The following ACSL4 variants were observed in gnomAD, a reference collection of about 807,000 sequenced individuals.
ACSL4 encodes acyl-CoA synthetase long chain family member 4.
Under a neutral mutation model 49.1 loss-of-function variants are expected in ACSL4, and 9 were observed. The ratio of observed to expected loss-of-function variants is 0.18; its 90% CI spans 0.11 to 0.32. The LOEUF is 0.32. Among genes scored for constraint, ACSL4 ranks in the 10% least tolerant of loss-of-function variants. The pLI is 1.00. For synonymous variants in ACSL4, 191 were observed against 170.3 expected (o/e 1.12, Z -0.95); for missense variants, 333 against 493.7 (o/e 0.67, Z 3.08).
chrX:109,687,659 G>A (rs1175188912), intron 2 of ACSL4, among the ~76,000 whole-genome samples: 3 of 111,622 alleles, frequency 2.7e-5, no homozygotes, highest in African/African-American at 9.8e-5. Context: ...AAACCACCAT[G>A]GCACGTGTAT....
chrX:109,704,021 G>GTA (rs1300353262), intron 1 of ACSL4, among the ~76,000 whole-genome samples: 1 of 111,048 alleles, frequency 9.0e-6, no homozygotes, highest in African/African-American at 3.3e-5. Context: ...GTTTTAAGTA[G>GTA]TAAAATATAT....
chrX:109,691,079 T>C (rs2147468633), intron 2 of ACSL4, among the ~76,000 whole-genome samples: 1 of 112,097 alleles, frequency 8.9e-6, no homozygotes, highest in African/African-American at 3.2e-5. Flanking sequence ...AATGCCAAGA[T>C]ATTTTTTCAA....
rs1330117129 is a variant in ACSL4, at chrX:109,688,456, A to G, written c.-12-5081T>C. Among the ~76,000 whole-genome samples the G allele has an allele frequency of 2.7e-5, 3 of 111,677 alleles. No homozygotes were observed. In the Admixed American group the frequency reaches 2.9e-4, roughly 11 times the overall value. ...ACCAGCTGTTATTTCTTTCATCTTA[A>G]AAAACATTCCCTCCTTTGCATCTTC... On this transcript the variant is annotated intron_variant, in intron 2 of 15. Transcript: ENST00000672401.
At chrX:109,718,977 T>A (rs1055959235) in intron 1 of ACSL4, among the ~76,000 whole-genome samples, 3 of 111,409 alleles carry the variant, frequency 2.7e-5, no homozygotes, top group Non-Finnish European at 5.6e-5. Flanking sequence ...AGCAAGGTGA[T>A]CCTTCAATCA....
intron 1 of ACSL4, among the ~76,000 whole-genome samples, chrX:109,720,929 A>G (rs1357618016): frequency 8.9e-6 from 1 of 111,998 alleles, no homozygotes; most frequent in Non-Finnish European, 1.9e-5. Flanking sequence ...GTGAAGAAAT[A>G]TCATTATCCT....
chrX:109,644,224 G>T, intron 15 of ACSL4, 38 bp from the exon 16 acceptor site: 1 of 1,162,480 alleles, frequency 8.6e-7, no homozygotes, highest in South Asian at 1.9e-5. Flanking sequence ...AAAGGAGAGG[G>T]GGGGAAAGAG....
chrX:109,712,477 G>A, intron 1 of ACSL4, among the ~76,000 whole-genome samples: 1 of 112,057 alleles, frequency 8.9e-6, no homozygotes, highest in Non-Finnish European at 1.9e-5. Flanking sequence ...AGCAGAGTAA[G>A]TGACAGTGTG....
chrX:109,692,395 T>C (rs1296284120), intron 2 of ACSL4, among the ~76,000 whole-genome samples: 1 of 112,366 alleles, frequency 8.9e-6, no homozygotes, highest in Non-Finnish European at 1.9e-5. Context: ...ATTGGTTGTA[T>C]ATAATTTAAT....
Position 109,666,944 on chromosome X carries a change from G to A in ACSL4, c.1315+1157C>T, listed in dbSNP as rs1299575471. On this transcript the variant is annotated intron_variant, in intron 11 of 15. Coordinates refer to ENST00000672401, the MANE Select transcript of ACSL4 (RefSeq NM_001318510.2). The stretch of plus-strand genomic sequence containing the variant: ...ATAAAAAGGCTGTTAGGTCGGAGCA[G>A]AATGGAGCAATAAAAAGTTGGACGA... Among the ~76,000 whole-genome samples, 9 of 111,759 alleles carry A rather than the reference G, an allele frequency of 8.1e-5. No homozygotes were observed. In the Admixed American group the frequency reaches 8.5e-4, roughly 11 times the overall value.
intron 14 of ACSL4, among the ~76,000 whole-genome samples, chrX:109,660,003 AAGAAAC>A (rs751962802): frequency 4.4e-4 from 49 of 111,083 alleles, no homozygotes; most frequent in Non-Finnish European, 9.3e-4. Context: ...AAAAAAACAG[AAGAAAC>A]ACTTTATGAG....
intron 10 of ACSL4, 43 bp from the exon 11 acceptor site, chrX:109,668,316 T>TAAA: frequency 9.3e-7 from 1 of 1,074,724 alleles, no homozygotes; most frequent in Non-Finnish European, 1.3e-6. Flanking sequence ...ACGCATACAT[T>TAAA]ATTCTTGGCA....
chrX:109,672,555 G>A (rs906127482), intron 9 of ACSL4, among the ~76,000 whole-genome samples: 3 of 111,490 alleles, frequency 2.7e-5, no homozygotes, highest in Non-Finnish European at 5.6e-5. Flanking sequence ...GAATGTTATA[G>A]TATTCAATCA....
At chrX:109,683,003 T>C in intron 3 of ACSL4, 107 bp from the exon 4 acceptor site, 1 of 1,018,823 alleles carries the variant, frequency 9.8e-7, no homozygotes, top group Non-Finnish European at 1.4e-6. Flanking sequence ...ATACAGAAGC[T>C]ATGAGCGGCT....
At position 109,661,559 on chromosome X, in the gene ACSL4, T is replaced by A; in HGVS notation, c.1669A>T (p.Ile557Phe). 1 of 1,209,032 alleles carries A rather than the reference T, an allele frequency of 8.3e-7. No individual in the cohort carries two copies. The highest frequency in any genetic ancestry group is 1.1e-6 in the Non-Finnish European group (1 of 893,363). ...TTGGCAAAAGCACAGATGTTGTCAA[T>A]AAGTGGACAATTCTTCAGTGCAGCT... ...VEAALKNCPL[I>F]DNICAFAKSD... is the part of the protein sequence containing the mutation. Residue 557 changes from isoleucine to phenylalanine, a missense_variant, in exon 14 of 16, where the codon ATT (isoleucine) becomes TTT (phenylalanine). By Grantham distance (21) the Ile-to-Phe change is conservative. Coordinates refer to ENST00000672401, the MANE Select transcript of ACSL4 (RefSeq NM_001318510.2).
chrX:109,732,758 G>A (rs1928572677), intron 1 of ACSL4, among the ~76,000 whole-genome samples: 1 of 111,447 alleles, frequency 9.0e-6, no homozygotes, highest in Non-Finnish European at 1.9e-5. Flanking sequence ...CACCCTAAAG[G>A]TCGTTTGGAG....
intron 15 of ACSL4, among the ~76,000 whole-genome samples, chrX:109,645,175 T>C (rs1482124643): frequency 8.8e-6 from 1 of 113,023 alleles, no homozygotes; most frequent in African/African-American, 3.2e-5. Context: ...CCACCACAGC[T>C]CAAGGAGGCC....
chrX:109,657,450 G>T (rs1288604733), intron 15 of ACSL4, among the ~76,000 whole-genome samples: 1 of 105,195 alleles, frequency 9.5e-6, no homozygotes, highest in Non-Finnish European at 1.9e-5. Flanking sequence ...TCCCACCTAT[G>T]AGTGAGAATA....
Position 109,681,015 on chromosome X carries a change from C to T in ACSL4, c.638G>A (p.Gly213Glu). The change falls in exon 6 of 16, where the codon GGA (glycine) becomes GAA (glutamate). Residue 213 changes from glycine (G) to glutamate (E), a missense_variant. Physicochemically the swap from Gly to Glu is moderately conservative, Grantham distance 98 (BLOSUM62 -2). Around this residue, in one of 3 missense-constraint regions of ACSL4, gnomAD observed 157 missense variants for 201.1 expected, o/e 0.78. Coordinates refer to ENST00000672401, the MANE Select transcript of ACSL4 (RefSeq NM_001318510.2). ...IHSMQSVEEL[G>E]SNPENLGIPP... Reference sequence around the variant, plus strand: ...TTACTTACAGTTTTCTGGGTTAGATCCCAACTCTTCTACTGATTGCATGCT... The same window carrying T: ...TTACTTACAGTTTTCTGGGTTAGATTCCAACTCTTCTACTGATTGCATGCT... 1 of 1,210,498 alleles carries T rather than the reference C, an allele frequency of 8.3e-7. No individual in the cohort carries two copies. Among genetic ancestry groups the T allele is most frequent in the Non-Finnish European group, 1.1e-6 (1 of 894,912 alleles).
At chrX:109,693,434 A>G (rs1925193112) in intron 2 of ACSL4, among the ~76,000 whole-genome samples, 1 of 112,276 alleles carries the variant, frequency 8.9e-6, no homozygotes, top group Non-Finnish European at 1.9e-5. Context: ...TTCTAAAGAC[A>G]GCAGATAATT....
Sources: gnomAD v4.1 joint callset for allele counts (sites outside exome capture counted in the v4.1 genomes callset) on GRCh38, gnomAD v4.1.1 for gene constraint, gnomAD v4.1.1 regional missense constraint, MANE v1.5 for transcripts, NCBI Gene and HGNC (gene_info 2026-07-23, HGNC 2026-07-21) for gene names.